LARP4B: variants seen among roughly 807,000 people sequenced by gnomAD.
LARP4B encodes La ribonucleoprotein 4B, also known as la-related protein 4B.
In LARP4B, 12 loss-of-function variants were observed where a neutral mutation model predicts 89.8. The observed-to-expected ratio is 0.13, with a 90% CI of 0.09 to 0.22. The LOEUF is 0.22. LARP4B is among the 10% of genes least tolerant of loss of function. The pLI is 1.00. For synonymous variants in LARP4B, 367 were observed against 363.3 expected, an observed-to-expected ratio of 1.01 and a Z score of -0.12; for missense variants, 757 against 947.7, an observed-to-expected ratio of 0.80 and a Z score of 2.64.
chr10:943,482 T>C, the LARP4B span, among the ~76,000 whole-genome samples: 3 of 152,050 alleles, frequency 2.0e-5, no homozygotes, highest in Non-Finnish European at 4.4e-5. Context: ...CAGGCGGGAG[T>C]GCAGTGGTGC....
intron 8 of LARP4B, among the ~76,000 whole-genome samples, chr10:833,630 G>A (rs1276989667): frequency 2.6e-5 from 4 of 152,266 alleles, no homozygotes; most frequent in Admixed American, 1.3e-4. Context: ...GGTGGCTCAC[G>A]CCTGTAATCC....
At chr10:852,276 C>A (rs1344573329) in intron 5 of LARP4B, among the ~76,000 whole-genome samples, 1 of 152,124 alleles carries the variant, frequency 6.6e-6, no homozygotes, top group Non-Finnish European at 1.5e-5. Flanking sequence ...AAATGGAATC[C>A]AGTAGTATAT....
intron 8 of LARP4B, among the ~76,000 whole-genome samples, chr10:833,182 T>G (rs553381422): frequency 7.7e-6 from 1 of 129,396 alleles, no homozygotes; most frequent in Non-Finnish European, 1.5e-5. Context: ...TGGGACACAA[T>G]GGAAGTAGAA....
chr10:960,349 T>G, the LARP4B span, among the ~76,000 whole-genome samples: 5 of 152,036 alleles, frequency 3.3e-5, no homozygotes, highest in South Asian at 8.3e-4. Flanking sequence ...ACCCATAGGA[T>G]GTACAACAGC....
the LARP4B span, among the ~76,000 whole-genome samples, chr10:963,846 G>T: frequency 0.99 from 150,761 of 152,320 alleles, 74,625 homozygotes; most frequent in Middle Eastern, 1. Context: ...TCAGCATTAA[G>T]CCCTTCGTGA....
chr10:916,506 AC>A (rs1300332234), intron 1 of LARP4B, among the ~76,000 whole-genome samples: 2 of 152,108 alleles, frequency 1.3e-5, no homozygotes, highest in Non-Finnish European at 2.9e-5. Flanking sequence ...GACCAGCCTG[AC>A]CAACACGGAG....
At chr10:952,339 CAAAA>C in the LARP4B span, among the ~76,000 whole-genome samples, 9 of 16,948 alleles carry the variant, frequency 5.3e-4, no homozygotes, top group South Asian at 0.019. Context: ...GACTCCATCT[CAAAA>C]AAAAAAAAAA....
At chr10:926,814 G>A (rs1349692074) in intron 1 of LARP4B, among the ~76,000 whole-genome samples, 1 of 152,156 alleles carries the variant, frequency 6.6e-6, no homozygotes, top group Non-Finnish European at 1.5e-5. Flanking sequence ...AGGCAGATGG[G>A]TCACTTGAGG....
the LARP4B span, among the ~76,000 whole-genome samples, chr10:938,344 G>A: frequency 1.3e-5 from 2 of 150,734 alleles, no homozygotes; most frequent in South Asian, 2.1e-4. Flanking sequence ...TCCGCCTCCC[G>A]GGTTCACGCC....
chr10:912,625 A>T (rs1470102632), intron 1 of LARP4B, among the ~76,000 whole-genome samples: 1 of 148,926 alleles, frequency 6.7e-6, no homozygotes, highest in Non-Finnish European at 1.5e-5. Flanking sequence ...TAATCTCAGC[A>T]CTTTGGGAGG....
the LARP4B span, among the ~76,000 whole-genome samples, chr10:982,104 C>T: frequency 3.9e-5 from 5 of 128,760 alleles, no homozygotes; most frequent in Middle Eastern, 4.0e-3. Context: ...TTTTTTCTTT[C>T]TTTCTTTCTT....
At chr10:829,128 G>A (rs1170496055) in intron 11 of LARP4B, among the ~76,000 whole-genome samples, 1 of 152,162 alleles carries the variant, frequency 6.6e-6, no homozygotes, top group Non-Finnish European at 1.5e-5. Context: ...AGCACTTATC[G>A]CCCTCTGCGT....
rs113030366 is a variant in LARP4B, at chr10:863,226, A to T, written c.430+517T>A. Among the ~76,000 whole-genome samples the T allele has an allele frequency of 6.5e-3, 705 of 109,156 alleles. 4 individuals are homozygous for T. Among genetic ancestry groups the T allele is most frequent in the Non-Finnish European group, 9.0e-3 (433 of 47,878 alleles). The allele number at this position is 109,156 out of a possible 152,430, so 71.6% of individuals were successfully genotyped here. ...CACTTCGCACTACTAAATAGGTTTC[A>T]TTTTTTTTTTTTTTTGAGATGGAGT... On this transcript the variant is annotated intron_variant, in intron 5 of 17. Transcript: ENST00000316157.
At chr10:965,626 G>A in the LARP4B span, among the ~76,000 whole-genome samples, 1 of 151,828 alleles carries the variant, frequency 6.6e-6, no homozygotes, top group African/African-American at 2.4e-5. Context: ...CACTAACCAG[G>A]TGCTGATTAG....
the LARP4B span, among the ~76,000 whole-genome samples, chr10:964,623 G>A: frequency 6.6e-6 from 1 of 152,182 alleles, no homozygotes; most frequent in African/African-American, 2.4e-5. Flanking sequence ...CCACGTCGAT[G>A]TTAAAGGTCA....
At chr10:899,229 A>G (rs1836268212) in intron 1 of LARP4B, among the ~76,000 whole-genome samples, 1 of 152,214 alleles carries the variant, frequency 6.6e-6, no homozygotes, top group Admixed American at 6.5e-5. Flanking sequence ...AATACATTGT[A>G]CCTTACACGG....
the LARP4B span, among the ~76,000 whole-genome samples, chr10:974,717 G>A: frequency 6.6e-6 from 1 of 152,238 alleles, no homozygotes; most frequent in Non-Finnish European, 1.5e-5. Context: ...TGTGTTTACA[G>A]AAGTTCAACA....
chr10:825,111 C>T lies in LARP4B; in HGVS notation c.1438G>A (p.Val480Met). 6.2e-7 allele frequency: 1 copy of T among 1,614,236 alleles called. No individual in the cohort carries two copies. The change falls in exon 13 of 18, where the codon GTG becomes ATG. Residue 480 changes from valine to methionine, a missense_variant. Physicochemically the swap from Val to Met is conservative, Grantham distance 21. Coordinates refer to ENST00000316157, the MANE Select transcript of LARP4B (RefSeq NM_015155.3). ...GAGGATTCGAGACTGCCTGGCTCCA[C>T]ACGCCCAGGCCCAGCCTCTCTCTTG... The part of the protein sequence containing the change: ...YAKREAGPGR[V>M]EPGSLESSPG...
At chr10:931,944 G>GC (rs1830635407), upstream of LARP4B, among the ~76,000 whole-genome samples, 1 of 148,492 alleles carries the variant, frequency 6.7e-6, no homozygotes, top group African/African-American at 2.5e-5. Flanking sequence ...CGCGCACATC[G>GC]CCCCGCCCCG....
Sources: gnomAD v4.1 joint callset for allele counts (sites outside exome capture counted in the v4.1 genomes callset) on GRCh38, gnomAD v4.1.1 for gene constraint, MANE v1.5 for transcripts, NCBI Gene and HGNC (gene_info 2026-07-23, HGNC 2026-07-21) for gene names.